The following MACROD2 variants were observed in gnomAD, a reference collection of about 807,000 sequenced individuals.
The protein encoded by MACROD2 is ADP-ribose glycohydrolase MACROD2.
MACROD2 carries 36 observed loss-of-function variants against 70.4 expected under a neutral mutation model. That is an observed-to-expected ratio of 0.51 (90% confidence interval 0.39 to 0.68). The LOEUF (loss-of-function observed/expected upper bound fraction) is 0.68. Among genes scored for constraint, MACROD2 ranks in the 30% least tolerant of loss-of-function variants. The pLI, the probability that MACROD2 is intolerant of heterozygous loss-of-function variation, is 0.00. For missense variants in MACROD2, 496 were observed against 538.4 expected, an observed-to-expected ratio of 0.92 and a Z score of 0.78; for synonymous variants, 172 against 178.8, an observed-to-expected ratio of 0.96 and a Z score of 0.30.
chr20:14,000,296 A>G (rs1296173544), intron 1 of MACROD2, among the ~76,000 whole-genome samples: 1 of 152,064 alleles, frequency 6.6e-6, no homozygotes, highest in East Asian at 1.9e-4. Context: ...ATTTTTGTGA[A>G]TATGTCACCT....
At chr20:14,395,775 A>C (rs75132130) in intron 3 of MACROD2, among the ~76,000 whole-genome samples, 5,116 of 152,214 alleles carry the variant, frequency 0.034, 125 homozygotes, top group Middle Eastern at 0.051. Flanking sequence ...CAGATGTTGG[A>C]ATATTGTTTT....
At chr20:15,394,101 C>T (rs1423284208) in intron 6 of MACROD2, among the ~76,000 whole-genome samples, 8 of 152,124 alleles carry the variant, frequency 5.3e-5, no homozygotes, top group East Asian at 1.9e-4. Flanking sequence ...TTGCCATTCA[C>T]GGGAGATTTA....
intron 3 of MACROD2, among the ~76,000 whole-genome samples, chr20:14,205,024 C>T (rs1383725012): frequency 6.6e-6 from 1 of 152,090 alleles, no homozygotes; most frequent in East Asian, 1.9e-4. Context: ...TAACTAGCTA[C>T]ATATATATTC....
At chr20:15,575,846 G>C (rs7263280) in intron 8 of MACROD2, among the ~76,000 whole-genome samples, 2 of 152,006 alleles carry the variant, frequency 1.3e-5, no homozygotes, top group East Asian at 3.9e-4. Context: ...TTCCGGCCAC[G>C]ACTCCCTCCT....
At chr20:14,030,022 C>T (rs1426157114) in intron 2 of MACROD2, among the ~76,000 whole-genome samples, 1 of 152,036 alleles carries the variant, frequency 6.6e-6, no homozygotes, top group Non-Finnish European at 1.5e-5. Flanking sequence ...TACTTTTTTT[C>T]CTTGCAGATT....
At chr20:14,020,288 T>C (rs1049002965) in intron 2 of MACROD2, among the ~76,000 whole-genome samples, 6 of 151,988 alleles carry the variant, frequency 3.9e-5, no homozygotes, top group African/African-American at 9.7e-5. Context: ...GCCTGACCAA[T>C]ACGGAGAAAC....
chr20:15,635,987 G>A (rs1033463113), intron 8 of MACROD2, among the ~76,000 whole-genome samples: 5 of 149,142 alleles, frequency 3.4e-5, no homozygotes, highest in Admixed American at 6.7e-5. Flanking sequence ...AGAACTGTTC[G>A]AGCCCAAAAG....
chr20:14,216,053 G>T (rs1272989351), intron 3 of MACROD2, among the ~76,000 whole-genome samples: 1 of 151,812 alleles, frequency 6.6e-6, no homozygotes, highest in Admixed American at 6.6e-5. Context: ...TATTGCATTT[G>T]CTTTTGGGTT....
At chr20:14,056,409 T>G (rs2053631467) in intron 2 of MACROD2, among the ~76,000 whole-genome samples, 1 of 151,380 alleles carries the variant, frequency 6.6e-6, no homozygotes, top group Admixed American at 6.6e-5. Flanking sequence ...ATTTTACCTG[T>G]TTTTTTTGTC....
At chr20:15,729,839 T>TTTTTTTTTTTTTTTTTTTTTG in intron 8 of MACROD2, among the ~76,000 whole-genome samples, 1 of 133,918 alleles carries the variant, frequency 7.5e-6, no homozygotes, top group Non-Finnish European at 1.6e-5. Flanking sequence ...TGCTTTTTTT[T>TTTTTTTTTTTTTTTTTTTTTG]TTTTTTTGGA....
At chr20:15,418,833 A>G (rs1385437563) in intron 6 of MACROD2, among the ~76,000 whole-genome samples, 2 of 152,018 alleles carry the variant, frequency 1.3e-5, no homozygotes, top group African/African-American at 4.8e-5. Context: ...TCCAGGTCTC[A>G]GGGGGGCCTT....
chr20:14,919,758 G>A (rs1267089188), intron 5 of MACROD2, among the ~76,000 whole-genome samples: 5 of 152,134 alleles, frequency 3.3e-5, no homozygotes, highest in Non-Finnish European at 7.4e-5. Flanking sequence ...ACAAACACCG[G>A]CCCTAAATTA....
chr20:14,545,787 C>T (rs1416550766), intron 4 of MACROD2, among the ~76,000 whole-genome samples: 1 of 152,070 alleles, frequency 6.6e-6, no homozygotes, highest in Non-Finnish European at 1.5e-5. Flanking sequence ...TGTCAGGTAA[C>T]TATTATCTCT....
chr20:16,023,745 A>G (rs1167614840), intron 15 of MACROD2, among the ~76,000 whole-genome samples: 3 of 152,142 alleles, frequency 2.0e-5, no homozygotes, highest in Non-Finnish European at 4.4e-5. Context: ...AGTCATGGGT[A>G]GGGAAGCTGG....
At chr20:15,936,426 AT>A (rs1470881572) in intron 11 of MACROD2, among the ~76,000 whole-genome samples, 1 of 148,294 alleles carries the variant, frequency 6.7e-6, no homozygotes, top group Non-Finnish European at 1.5e-5. Flanking sequence ...AAAACTATAT[AT>A]ATACTATATA....
chr20:14,351,994 T>C (rs2083127246), intron 3 of MACROD2, among the ~76,000 whole-genome samples: 1 of 152,218 alleles, frequency 6.6e-6, no homozygotes, highest in South Asian at 2.1e-4. Flanking sequence ...CAGATACTTT[T>C]TGTCTTTTGT....
rs1044387090 is a variant in MACROD2 at position 14,908,816 on chromosome 20, T to A, written c.418+223857T>A. The stretch of plus-strand genomic sequence containing the variant: ...CTACGATAAGGTGGCAGCAAATACT[T>A]GTTTTTAATTTGGCTCCTGCTTTGT... On this transcript the variant is annotated intron_variant, in intron 5 of 17. Transcript: ENST00000684519. Among the ~76,000 whole-genome samples the A allele has an allele frequency of 2.6e-5, 4 of 152,212 alleles. No homozygotes were observed. The South Asian group carries it at 8.3e-4, about 31-fold the overall frequency.
At chr20:16,009,876 G>A (rs1171283730) in intron 15 of MACROD2, among the ~76,000 whole-genome samples, 1 of 152,116 alleles carries the variant, frequency 6.6e-6, no homozygotes, top group African/African-American at 2.4e-5. Flanking sequence ...ATCCCCAAAG[G>A]AGCCACATTC....
intron 5 of MACROD2, among the ~76,000 whole-genome samples, chr20:14,776,249 G>A (rs2072233148): frequency 6.6e-6 from 1 of 151,994 alleles, no homozygotes; most frequent in East Asian, 1.9e-4. Context: ...CCAAAGTCTG[G>A]ACTCAAGGGA....
Sources: gnomAD v4.1 joint callset for allele counts (sites outside exome capture counted in the v4.1 genomes callset) on GRCh38, gnomAD v4.1.1 for gene constraint, MANE v1.5 for transcripts, NCBI Gene and HGNC (gene_info 2026-07-23, HGNC 2026-07-21) for gene names.